Variants in PCCA observed in about 807,000 individuals in gnomAD.
The protein encoded by PCCA is propionyl-CoA carboxylase alpha chain, mitochondrial.
A neutral mutation model predicts 101.3 loss-of-function variants in PCCA; 74 were observed. The ratio of observed to expected loss-of-function variants is 0.73; its 90% CI spans 0.61 to 0.89. The LOEUF is 0.89. PCCA is among the 40% of genes least tolerant of loss of function. PCCA has a pLI of 0.00. For synonymous variants in PCCA, 294 were observed against 313.6 expected (o/e 0.94, Z 0.66); for missense variants, 891 against 907.0 (o/e 0.98, Z 0.23).
At chr13:100,173,375 A>G (rs907904972) in intron 6 of PCCA, among the ~76,000 whole-genome samples, 3 of 152,144 alleles carry the variant, frequency 2.0e-5, no homozygotes. Context: ...GACAGGAATA[A>G]CGGCATTTGG....
intron 8 of PCCA, among the ~76,000 whole-genome samples, chr13:100,247,060 C>G (rs957026149): frequency 3.3e-5 from 5 of 151,878 alleles, no homozygotes; most frequent in Non-Finnish European, 7.4e-5. Context: ...AGGCACCCAC[C>G]ACCATGCCCG....
At chr13:100,320,410 A>C (rs1240607436) in intron 16 of PCCA, among the ~76,000 whole-genome samples, 1 of 152,206 alleles carries the variant, frequency 6.6e-6, no homozygotes, top group Non-Finnish European at 1.5e-5. Flanking sequence ...GCCAGTTTTC[A>C]AAGGGAATGC....
At chr13:100,185,236 G>A (rs2057150544) in intron 6 of PCCA, among the ~76,000 whole-genome samples, 2 of 152,012 alleles carry the variant, frequency 1.3e-5, no homozygotes, top group Admixed American at 6.6e-5. Context: ...TATGACCCTG[G>A]AGTTTAGTTT....
chr13:100,131,777 A>G (rs1410648467), intron 4 of PCCA, among the ~76,000 whole-genome samples: 1 of 152,186 alleles, frequency 6.6e-6, no homozygotes, highest in Non-Finnish European at 1.5e-5. Context: ...TTATGTGAAG[A>G]TGCTCCACAT....
chr13:100,396,991 T>C (rs953115524), intron 19 of PCCA, among the ~76,000 whole-genome samples: 15 of 152,096 alleles, frequency 9.9e-5, no homozygotes, highest in Admixed American at 3.9e-4. Flanking sequence ...ACTGTTAGGG[T>C]ATGGGGCCGA....
At chr13:100,163,638 C>T (rs1217925668) in intron 6 of PCCA, among the ~76,000 whole-genome samples, 1 of 152,072 alleles carries the variant, frequency 6.6e-6, no homozygotes, top group Non-Finnish European at 1.5e-5. Context: ...ATCAGGCTCA[C>T]CCTTTAAAAG....
intron 20 of PCCA, among the ~76,000 whole-genome samples, chr13:100,430,058 C>T (rs1164657684): frequency 6.6e-6 from 1 of 151,922 alleles, no homozygotes; most frequent in East Asian, 2.0e-4. Context: ...GGCAGATCAC[C>T]TGAGGTTCGG....
At chr13:100,498,736 A>G (rs538026515) in intron 21 of PCCA, among the ~76,000 whole-genome samples, 81 of 152,240 alleles carry the variant, frequency 5.3e-4, no homozygotes, top group Non-Finnish European at 8.5e-4. Context: ...TCTGAGGTTC[A>G]TCCACACTGG....
chr13:100,209,441 C>T lies in PCCA; in HGVS notation c.578C>T (p.Pro193Leu), dbSNP rs1225108460. 2 of 1,613,418 alleles carry T rather than the reference C, an allele frequency of 1.2e-6. No individual in the cohort carries two copies. The highest frequency in any genetic ancestry group is 1.7e-6 in the Non-Finnish European group (2 of 1,179,404). The change falls in exon 7 of 24, where the codon CCT (proline) becomes CTT (leucine). Residue 193 changes from proline (P) to leucine (L), a missense_variant. Physicochemically the swap from Pro to Leu is moderately conservative, Grantham distance 98. Transcript: ENST00000376285. ...AAGAAAGCAGAGGTTAATACAATCC[C>T]TGGCTTTGATGGAGTAGTCAAGGTG... Reference protein sequence around the residue: ...LAKKAEVNTIPGFDGVVKDAE... With the variant: ...LAKKAEVNTILGFDGVVKDAE...
intron 12 of PCCA, chr13:100,293,260 G>A (rs1258669251): frequency 2.1e-6 from 1 of 471,536 alleles, no homozygotes; most frequent in South Asian, 1.5e-5. Context: ...GAAAGGTACA[G>A]TACAATTGTT....
intron 4 of PCCA, among the ~76,000 whole-genome samples, chr13:100,133,191 C>T (rs2050732152): frequency 6.6e-6 from 1 of 152,170 alleles, no homozygotes; most frequent in African/African-American, 2.4e-5. Flanking sequence ...ATTTGCCATC[C>T]ATGTATCCTT....
chr13:100,324,097 C>A (rs1485880800), intron 16 of PCCA, among the ~76,000 whole-genome samples: 1 of 152,162 alleles, frequency 6.6e-6, no homozygotes, highest in Admixed American at 6.5e-5. Flanking sequence ...AATGAACAAA[C>A]CTCTGTTTAC....
intron 21 of PCCA, among the ~76,000 whole-genome samples, chr13:100,472,232 A>G (rs2152956629): frequency 6.6e-6 from 1 of 152,154 alleles, no homozygotes; most frequent in Non-Finnish European, 1.5e-5. Context: ...AAGGGACAGA[A>G]CTTTTCCACC....
At chr13:100,311,919 A>T (rs147208750) in intron 16 of PCCA, among the ~76,000 whole-genome samples, 3 of 152,318 alleles carry the variant, frequency 2.0e-5, no homozygotes, top group African/African-American at 7.2e-5. Flanking sequence ...CTTTCATTGC[A>T]CCCTGTTCAA....
intron 20 of PCCA, among the ~76,000 whole-genome samples, chr13:100,434,613 TG>T (rs1261486927): frequency 6.6e-6 from 1 of 152,176 alleles, no homozygotes; most frequent in African/African-American, 2.4e-5. Flanking sequence ...CTTTTCCAGT[TG>T]CCTTTGGTCT....
chr13:100,511,971 T>C (rs189864400), intron 21 of PCCA, among the ~76,000 whole-genome samples: 23 of 152,274 alleles, frequency 1.5e-4, no homozygotes, highest in Admixed American at 1.4e-3. Context: ...TTCTTTGCTG[T>C]CTTTGGGGTG....
chr13:100,332,308 A>G (rs1365477817), intron 17 of PCCA, among the ~76,000 whole-genome samples: 2 of 152,148 alleles, frequency 1.3e-5, no homozygotes, highest in African/African-American at 2.4e-5. Context: ...TGATCCTAAC[A>G]TTTAGTTTCT....
intron 18 of PCCA, among the ~76,000 whole-genome samples, chr13:100,368,205 A>AT (rs1165783458): frequency 5.9e-5 from 9 of 151,578 alleles, no homozygotes; most frequent in Non-Finnish European, 1.0e-4. Context: ...TTTCATTGTA[A>AT]TTTTTTTTTA....
At chr13:100,103,707 C>T (rs1362627122) in intron 2 of PCCA, among the ~76,000 whole-genome samples, 1 of 152,088 alleles carries the variant, frequency 6.6e-6, no homozygotes, top group East Asian at 1.9e-4. Flanking sequence ...GTGATCTTAG[C>T]TCACTGCAAC....
Sources: allele counts gnomAD v4.1 joint callset (sites outside exome capture counted in the v4.1 genomes callset), GRCh38; gene constraint gnomAD v4.1.1; transcripts MANE v1.5; gene names NCBI Gene and HGNC (gene_info 2026-07-23, HGNC 2026-07-21).